Variants in KCNAB1 observed in about 807,000 individuals in gnomAD.
KCNAB1 encodes the protein potassium voltage-gated channel subfamily A regulatory beta subunit 1, also known as voltage-gated potassium channel subunit beta-1.
In KCNAB1, 35 loss-of-function variants were observed where a neutral mutation model predicts 64.6. The ratio of observed to expected loss-of-function variants is 0.54; its 90% CI spans 0.41 to 0.72. The LOEUF (loss-of-function observed/expected upper bound fraction) is 0.72, where lower values mean the gene tolerates loss of function less well. KCNAB1 is among the 30% of genes least tolerant of loss of function. KCNAB1 has a pLI of 0.00. For synonymous variants in KCNAB1, 177 were observed against 183.8 expected, an observed-to-expected ratio of 0.96 and a Z score of 0.30; for missense variants, 401 against 512.9, an observed-to-expected ratio of 0.78 and a Z score of 2.11.
At chr3:156,131,856 C>G (rs1015017104) in intron 1 of KCNAB1, among the ~76,000 whole-genome samples, 1 of 152,194 alleles carries the variant, frequency 6.6e-6, no homozygotes, top group Non-Finnish European at 1.5e-5. Context: ...CTTTTGTTTT[C>G]TAAGCTGGGC....
chr3:156,320,623 G>A (rs1722592638), intron 1 of KCNAB1, among the ~76,000 whole-genome samples: 2 of 152,156 alleles, frequency 1.3e-5, no homozygotes, highest in Admixed American at 6.5e-5. Context: ...GTGAAAGACT[G>A]GCATGGTGGG....
Position 156,341,699 on chromosome 3 carries a change from C to T in KCNAB1, c.276-79917C>T, listed in dbSNP as rs151212942. Among the ~76,000 whole-genome samples, 8 of 152,014 alleles carry T rather than the reference C, an allele frequency of 5.3e-5. No homozygotes were observed. In the South Asian group the frequency reaches 8.3e-4, roughly 16 times the overall value. ...TCCAGTGGTTCTCAAATACTTTGCC[C>T]ACAATCATAGAAAAAAAATATAGAA... On this transcript the variant is annotated intron_variant, in intron 1 of 13. Transcript: ENST00000490337.
rs187241320 is a variant in KCNAB1, at chr3:156,364,626, A to G, written c.276-56990A>G. Among the ~76,000 whole-genome samples the G allele has an allele frequency of 1.9e-3, 296 of 152,172 alleles. 1 individual carries two copies. In the Middle Eastern group the frequency reaches 0.037, roughly 19 times the overall value. On this transcript the variant is annotated intron_variant, in intron 1 of 13. Transcript: ENST00000490337. ...AAACCCTGTCTCTACTAAAAATACA[A>G]AATTAGCCAGGTGTGGTGGTGCATG...
chr3:156,139,755 T>G (rs895018415), intron 1 of KCNAB1, among the ~76,000 whole-genome samples: 1 of 152,086 alleles, frequency 6.6e-6, no homozygotes, highest in South Asian at 2.1e-4. Context: ...GCAAGGAAAT[T>G]GTTAATCTCT....
chr3:156,267,005 T>C (rs1297828418), intron 1 of KCNAB1, among the ~76,000 whole-genome samples: 6 of 151,642 alleles, frequency 4.0e-5, no homozygotes, highest in African/African-American at 7.3e-5. Flanking sequence ...TGGTTCCAAA[T>C]GCAAAAGTGA....
At chr3:156,213,819 C>T (rs1715156907) in intron 1 of KCNAB1, among the ~76,000 whole-genome samples, 1 of 152,182 alleles carries the variant, frequency 6.6e-6, no homozygotes, top group Non-Finnish European at 1.5e-5. Flanking sequence ...TCTGGAGTGA[C>T]AGGAGTGTCT....
At chr3:156,215,493 G>A (rs746517965) in intron 1 of KCNAB1, 4 of 152,318 alleles carry the variant, frequency 2.6e-5, no homozygotes, top group Non-Finnish European at 5.9e-5. Context: ...CAGAGGTTAT[G>A]AAAGTGCTGA....
chr3:156,264,794 G>A (rs1036856512), intron 1 of KCNAB1, among the ~76,000 whole-genome samples: 2 of 152,008 alleles, frequency 1.3e-5, no homozygotes, highest in Non-Finnish European at 2.9e-5. Flanking sequence ...GTAAACTAAA[G>A]CACTTTACAT....
At chr3:156,195,099 T>C (rs1031942783) in intron 1 of KCNAB1, among the ~76,000 whole-genome samples, 7 of 152,248 alleles carry the variant, frequency 4.6e-5, no homozygotes, top group Admixed American at 3.9e-4. Context: ...TCCATGTCCC[T>C]GCAAAAGATA....
chr3:156,451,490 T>G (rs1360408032), intron 2 of KCNAB1, among the ~76,000 whole-genome samples: 2 of 152,234 alleles, frequency 1.3e-5, no homozygotes, highest in Admixed American at 1.3e-4. Context: ...GTATTCCACT[T>G]ATCGAGTTGG....
chr3:156,183,598 C>T (rs1459201736), intron 1 of KCNAB1, among the ~76,000 whole-genome samples: 2 of 152,184 alleles, frequency 1.3e-5, no homozygotes, highest in African/African-American at 4.8e-5. Context: ...GCCAGCCTGG[C>T]TTTTTGCCCT....
In KCNAB1 at chr3:156,135,750, G is replaced by A. The variant is rs138173688; in HGVS notation, c.275+14864G>A. ...GCCATTCTGCACCCCAGCCTCCAAG[G>A]CCTTGTCATGGACAAGTTCCAGACC... On this transcript the variant is annotated intron_variant, in intron 1 of 13. Transcript: ENST00000490337. Among the ~76,000 whole-genome samples the A allele has an allele frequency of 4.1e-3, 630 of 152,278 alleles. 5 individuals are homozygous for A. The highest frequency in any genetic ancestry group is 0.014 in the African/African-American group (589 of 41,544).
At chr3:156,466,702 T>A (rs1346367121) in intron 7 of KCNAB1, among the ~76,000 whole-genome samples, 1 of 152,046 alleles carries the variant, frequency 6.6e-6, no homozygotes, top group Non-Finnish European at 1.5e-5. Context: ...AATTGATTCC[T>A]GGTGCATTAC....
intron 1 of KCNAB1, among the ~76,000 whole-genome samples, chr3:156,389,947 C>A (rs1242467927): frequency 6.6e-6 from 1 of 152,064 alleles, no homozygotes; most frequent in Admixed American, 6.5e-5. Context: ...ATAGTTGTGA[C>A]AGAGACCATA....
intron 1 of KCNAB1, among the ~76,000 whole-genome samples, chr3:156,144,504 A>T (rs1023058918): frequency 3.9e-5 from 6 of 152,196 alleles, no homozygotes; most frequent in Admixed American, 2.6e-4. Context: ...TATAAGGAGG[A>T]TAGGACAGCC....
chr3:156,289,334 C>T (rs541212303), intron 1 of KCNAB1, among the ~76,000 whole-genome samples: 1 of 152,384 alleles, frequency 6.6e-6, no homozygotes, highest in Admixed American at 6.5e-5. Context: ...TATCCATTCA[C>T]TCTGTCTCGC....
intron 1 of KCNAB1, among the ~76,000 whole-genome samples, chr3:156,222,220 A>AG (rs1206138357): frequency 6.6e-6 from 1 of 152,196 alleles, no homozygotes; most frequent in Non-Finnish European, 1.5e-5. Flanking sequence ...CTTAAGGTAA[A>AG]GGGGGGCGGG....
intron 2 of KCNAB1, among the ~76,000 whole-genome samples, chr3:156,445,336 G>A (rs1209560777): frequency 6.6e-6 from 1 of 152,058 alleles, no homozygotes; most frequent in East Asian, 1.9e-4. Context: ...AAAAGGATGA[G>A]ATGCTACCGG....
chr3:156,341,972 G>T (rs1724146451), intron 1 of KCNAB1, among the ~76,000 whole-genome samples: 1 of 152,086 alleles, frequency 6.6e-6, no homozygotes, highest in Non-Finnish European at 1.5e-5. Flanking sequence ...ACCAGGATAT[G>T]TCTGGAAAGG....
Sources: gnomAD v4.1 joint callset for allele counts (sites outside exome capture counted in the v4.1 genomes callset) on GRCh38, gnomAD v4.1.1 for gene constraint, MANE v1.5 for transcripts, NCBI Gene and HGNC (gene_info 2026-07-23, HGNC 2026-07-21) for gene names.